The following SLC29A1 variants were observed in gnomAD, a reference collection of about 807,000 sequenced individuals.
The protein encoded by SLC29A1 is solute carrier family 29 member 1 (Augustine blood group), also known as equilibrative nucleoside transporter 1.
In SLC29A1, 22 loss-of-function variants were observed where a neutral mutation model predicts 48.3. The observed-to-expected ratio is 0.46, with a 90% CI of 0.33 to 0.65. SLC29A1 has a LOEUF of 0.65. SLC29A1 is among the 30% of genes least tolerant of loss of function. SLC29A1 has a pLI of 0.03. For missense variants in SLC29A1, 491 were observed against 575.3 expected, an observed-to-expected ratio of 0.85 and a Z score of 1.50; for synonymous variants, 228 against 231.0, an observed-to-expected ratio of 0.99 and a Z score of 0.12.
intron 5 of SLC29A1, 62 bp downstream of exon 5, chr6:44,230,108 TC>T: frequency 6.3e-7 from 1 of 1,591,528 alleles, no homozygotes; most frequent in South Asian, 1.1e-5. Flanking sequence ...CACTCTTTTT[TC>T]AGACCCAGCG....
chr6:44,231,497 G>A, intron 9 of SLC29A1, 36 bp downstream of exon 9: 2 of 1,346,138 alleles, frequency 1.5e-6, no homozygotes, highest in Non-Finnish European at 2.1e-6. Context: ...TCTACCCCTT[G>A]TCCTCTTTCT....
At chr6:44,222,710 G>A (rs961331457), upstream of SLC29A1, among the ~76,000 whole-genome samples, 1 of 151,844 alleles carries the variant, frequency 6.6e-6, no homozygotes, top group Non-Finnish European at 1.5e-5. Context: ...CCCTCAGCAC[G>A]CCCACACCTT....
rs1014983641 is a variant in SLC29A1 at position 44,232,268 on chromosome 6, G to A, written c.974-75G>A. The A allele has an allele frequency of 7.2e-5, 86 of 1,198,550 alleles. No homozygotes were observed. The highest frequency in any genetic ancestry group is 1.9e-4 in the Middle Eastern group (1 of 5,304). The allele number at this position is 1,198,550 out of a possible 1,614,324, so 74.2% of individuals were successfully genotyped here. On this transcript the variant is annotated intron_variant, in intron 10 of 12. Transcript: ENST00000371755. This position sits in a 1 kb window ranked among gnomAD's most constrained non-coding sequence, Gnocchi z 4.7. ...TCTCCATTTTACTGTTGGGGAAGCT[G>A]AGGCCCAGTGAAGGTTAGGCTTGCT...
At position 44,230,660 on chromosome 6, in the gene SLC29A1, C is replaced by T. The variant is rs758244910; in HGVS notation, c.682C>T (p.Arg228Cys). Residue 228 changes from arginine to cysteine, a missense_variant, in exon 7 of 13, where the codon CGC becomes TGC. Transcript: ENST00000371755. Reference sequence around the variant, plus strand: ...CATCATCTGTTACCTGGGCCTGCCCCGCCTGGTGAGTAAATGGAGGGAGCT... The same window carrying T: ...CATCATCTGTTACCTGGGCCTGCCCTGCCTGGTGAGTAAATGGAGGGAGCT... ...LTIICYLGLP[R>C]LEFYRYYQQL... 2.6e-6 allele frequency: 4 copies of T among 1,523,352 alleles called. No individual in the cohort carries two copies. The highest frequency in any genetic ancestry group is 3.6e-6 in the Non-Finnish European group (4 of 1,123,900). The allele number at this position is 1,523,352 out of a possible 1,614,324, so 94.4% of individuals were successfully genotyped here.
chr6:44,223,470 C>G, upstream of SLC29A1: 1 of 795,038 alleles, frequency 1.3e-6, no homozygotes, highest in African/African-American at 3.6e-5. The surrounding 1 kb of genome is among the most constrained non-coding windows in gnomAD (Gnocchi z 5.0). Flanking sequence ...GCGGAGTCGC[C>G]GCGGGGTGGC....
At position 44,231,592 on chromosome 6, in the gene SLC29A1, C is replaced by T. The variant is rs375039539; in HGVS notation, c.864+131C>T. ...TCACTCCTGGATTCTTTTGTGTGTGCGTGCGTGCCCATGCGTGCGTGCCGG... is the reference window on the plus strand; with the variant it reads ...TCACTCCTGGATTCTTTTGTGTGTGTGTGCGTGCCCATGCGTGCGTGCCGG... On this transcript the variant is annotated intron_variant, in intron 9 of 12. Transcript: ENST00000371755. 138 of 665,012 alleles carry T rather than the reference C, an allele frequency of 2.1e-4. No individual in the cohort carries two copies. The East Asian group carries it at 3.0e-3, about 15-fold the overall frequency. 41.2% of individuals were successfully genotyped at this position (665,012 alleles called of 1,614,324 possible).
chr6:44,225,344 A>G (rs1777261932), intron 1 of SLC29A1, among the ~76,000 whole-genome samples: 1 of 151,994 alleles, frequency 6.6e-6, no homozygotes, highest in Non-Finnish European at 1.5e-5. Flanking sequence ...TGTCTCTACT[A>G]AAAATACAGA....
At position 44,232,465 on chromosome 6, in the gene SLC29A1, A is replaced by G. The variant is rs1779116328; in HGVS notation, c.1059+37A>G. The G allele has an allele frequency of 7.1e-7, 1 of 1,400,106 alleles. No individual in the cohort carries two copies. Among genetic ancestry groups the G allele is most frequent in the African/African-American group, 1.4e-5 (1 of 70,280 alleles). The allele number at this position is 1,400,106 out of a possible 1,614,324, so 86.7% of individuals were successfully genotyped here. A position where few individuals can be genotyped will look rare whatever the true frequency, so the allele number is the denominator to read the frequency against. Reference sequence around the variant, plus strand: ...AAGAGGGCCCCAGGCCCCTGTGGGAAGTAAGAGTCCAGCCTGGACCCAGAG... The same window carrying G: ...AAGAGGGCCCCAGGCCCCTGTGGGAGGTAAGAGTCCAGCCTGGACCCAGAG... On this transcript the variant is annotated intron_variant, in intron 11 of 12. Transcript: ENST00000371755. The surrounding 1 kb of genome is among the most constrained non-coding windows in gnomAD (Gnocchi z 4.7).
intron 2 of SLC29A1, among the ~76,000 whole-genome samples, chr6:44,227,791 A>G (rs1777909110): frequency 6.6e-6 from 1 of 152,242 alleles, no homozygotes; most frequent in South Asian, 2.1e-4. Context: ...TTAGACTTGC[A>G]GTTATGACTG....
At chr6:44,219,684 C>T (rs1776091944), upstream of SLC29A1, 6 of 1,286,328 alleles carry the variant, frequency 4.7e-6, no homozygotes, top group African/African-American at 9.1e-5. Flanking sequence ...GTGGCTATGG[C>T]CCCAGCCCCG....
chr6:44,232,501 A>G lies in SLC29A1; in HGVS notation c.1059+73A>G. The G allele has an allele frequency of 3.0e-6, 3 of 990,038 alleles. No homozygotes were observed. Among genetic ancestry groups the G allele is most frequent in the East Asian group, 2.4e-5 (1 of 42,104 alleles). The allele number at this position is 990,038 out of a possible 1,614,324, so 61.3% of individuals were successfully genotyped here. A position where few individuals can be genotyped will look rare whatever the true frequency, so the allele number is the denominator to read the frequency against. On this transcript the variant is annotated intron_variant, in intron 11 of 12. Transcript: ENST00000371755. The surrounding 1 kb of genome is among the most constrained non-coding windows in gnomAD (Gnocchi z 4.7). ...AGCCTGGACCCAGAGAGGGAACCCA[A>G]GAAAGTATGGTAGTAAGGGGACCAT...
chr6:44,228,801 G>A (rs1345938346), intron 2 of SLC29A1, among the ~76,000 whole-genome samples: 1 of 152,236 alleles, frequency 6.6e-6, no homozygotes, highest in African/African-American at 2.4e-5. Flanking sequence ...CCTGCCCTGG[G>A]TGGTATGAAC....
upstream of SLC29A1, among the ~76,000 whole-genome samples, chr6:44,220,184 TAA>T (rs1300698328): frequency 6.7e-6 from 1 of 149,658 alleles, no homozygotes; most frequent in Admixed American, 6.6e-5. Flanking sequence ...ATGGAGTCTT[TAA>T]AAAAAAACAA....
chr6:44,223,377 G>A (rs1776692451), upstream of SLC29A1: 2 of 205,198 alleles, frequency 9.7e-6, no homozygotes, highest in Non-Finnish European at 1.7e-5. The surrounding 1 kb of genome is among the most constrained non-coding windows in gnomAD (Gnocchi z 5.0). Context: ...GTGTGGCAGG[G>A]CCCAAAGAGG....
chr6:44,232,051 G>A lies in SLC29A1; in HGVS notation c.918G>A (p.Met306Ile), dbSNP rs768182089. 6.2e-7 allele frequency: 1 copy of A among 1,614,156 alleles called. No homozygotes were observed. The highest frequency in any genetic ancestry group is 1.1e-5 in the South Asian group (1 of 91,078). ...TCATCTTCACTATCACCATTGGGAT[G>A]TTTCCAGCCGTGACTGTTGAGGTCA... ...VCFIFTITIGMFPAVTVEVKS... is the reference protein window; with the variant it reads ...VCFIFTITIGIFPAVTVEVKS... Residue 306 changes from methionine to isoleucine, a missense_variant, in exon 10 of 13, where the codon ATG (methionine) becomes ATA (isoleucine). By Grantham distance (10) the Met-to-Ile change is conservative. Coordinates refer to ENST00000371755, the MANE Select transcript of SLC29A1 (RefSeq NM_001372327.1). This position sits in a 1 kb window ranked among gnomAD's most constrained non-coding sequence, Gnocchi z 4.7.
In SLC29A1 at chr6:44,232,994, G is replaced by T; in HGVS notation, c.1247G>T (p.Cys416Phe). The T allele has an allele frequency of 6.2e-7, 1 of 1,612,922 alleles. No individual in the cohort carries two copies. Among genetic ancestry groups the T allele is most frequent in the Non-Finnish European group, 8.5e-7 (1 of 1,180,032 alleles). The change falls in exon 12 of 13, where the codon TGC becomes TTC. Residue 416 changes from cysteine to phenylalanine, a missense_variant. Coordinates refer to ENST00000371755, the MANE Select transcript of SLC29A1 (RefSeq NM_001372327.1). The surrounding 1 kb of genome is among the most constrained non-coding windows in gnomAD (Gnocchi z 4.7). ...SNGYLASLCM[C>F]FGPKKVKPAE... The stretch of plus-strand genomic sequence containing the variant: ...GGCTACCTCGCCAGCCTCTGCATGT[G>T]CTTCGGGCCCAAGTGAGTAGGGCTG...
chr6:44,231,527 C>T, intron 9 of SLC29A1, 66 bp downstream of exon 9: 2 of 996,976 alleles, frequency 2.0e-6, no homozygotes, highest in Non-Finnish European at 3.1e-6. Context: ...TTGCTCCCTC[C>T]CCCTGCCACC....
Position 44,223,761 on chromosome 6 carries a change from G to A in SLC29A1, c.-52+120G>A. On this transcript the variant is annotated intron_variant, in intron 1 of 12. Coordinates refer to ENST00000371755, the MANE Select transcript of SLC29A1 (RefSeq NM_001372327.1). The surrounding 1 kb of genome is among the most constrained non-coding windows in gnomAD (Gnocchi z 5.0). The stretch of plus-strand genomic sequence containing the variant: ...CGGCTCCGCAGCCCGGAGAAGGGAC[G>A]CCGGGTGGGGCCCCAGTGCGGAGCG... 2 of 1,034,274 alleles carry A rather than the reference G, an allele frequency of 1.9e-6. No homozygotes were observed. Among genetic ancestry groups the A allele is most frequent in the Non-Finnish European group, 2.3e-6 (2 of 857,818 alleles). The allele number at this position is 1,034,274 out of a possible 1,614,324, so 64.1% of individuals were successfully genotyped here.
At position 44,232,964 on chromosome 6, in the gene SLC29A1, C is replaced by T. The variant is rs753824809; in HGVS notation, c.1217C>T (p.Ser406Phe). The T allele has an allele frequency of 6.2e-7, 1 of 1,613,878 alleles. No homozygotes were observed. Among genetic ancestry groups the T allele is most frequent in the Non-Finnish European group, 8.5e-7 (1 of 1,180,046 alleles). ...FIFFMAAFAFSNGYLASLCMC... is the reference protein window; with the variant it reads ...FIFFMAAFAFFNGYLASLCMC... ...TTCTTCATGGCTGCCTTTGCCTTCT[C>T]CAACGGCTACCTCGCCAGCCTCTGC... Residue 406 changes from serine to phenylalanine, a missense_variant, in exon 12 of 13, where the codon TCC becomes TTC. By Grantham distance (155) the Ser-to-Phe change is radical. Coordinates refer to ENST00000371755, the MANE Select transcript of SLC29A1 (RefSeq NM_001372327.1). The surrounding 1 kb of genome is among the most constrained non-coding windows in gnomAD (Gnocchi z 4.7).
Sources: allele counts gnomAD v4.1 joint callset (sites outside exome capture counted in the v4.1 genomes callset), GRCh38; gene constraint gnomAD v4.1.1; non-coding constraint Gnocchi (gnomAD v3.1); transcripts MANE v1.5; gene names NCBI Gene and HGNC (gene_info 2026-07-23, HGNC 2026-07-21).